The following LOC128462377 variants were observed in gnomAD, a reference collection of about 807,000 sequenced individuals.
At chr16:89,323,381 G>A in the LOC128462377 span, 1 of 1,279,156 alleles carries the variant, frequency 7.8e-7, no homozygotes, top group African/African-American at 1.5e-5. Flanking sequence ...CCATCTCAGT[G>A]GGCAAGGGGA....
At chr16:89,352,571 T>G in the LOC128462377 span, among the ~76,000 whole-genome samples, 1 of 152,156 alleles carries the variant, frequency 6.6e-6, no homozygotes, top group South Asian at 2.1e-4. Context: ...TCAGGGCCAC[T>G]TCCTCTCGCC....
chr16:89,326,886 T>C, the LOC128462377 span, among the ~76,000 whole-genome samples: 8 of 152,180 alleles, frequency 5.3e-5, no homozygotes, highest in South Asian at 4.1e-4. Context: ...TCCGGGCACA[T>C]CTGCACGTGG....
chr16:89,394,629 CAA>C, the LOC128462377 span, among the ~76,000 whole-genome samples: 28 of 140,244 alleles, frequency 2.0e-4, no homozygotes, highest in Non-Finnish European at 2.3e-4. Context: ...ACTCTGTCTC[CAA>C]AAAAAAAAAA....
At chr16:89,393,789 G>A in the LOC128462377 span, among the ~76,000 whole-genome samples, 5 of 152,246 alleles carry the variant, frequency 3.3e-5, no homozygotes, top group African/African-American at 9.6e-5. Flanking sequence ...AGCTCTGCAT[G>A]GCATCTCGCA....
chr16:89,358,407 G>A, the LOC128462377 span, among the ~76,000 whole-genome samples: 2 of 152,214 alleles, frequency 1.3e-5, no homozygotes, highest in Non-Finnish European at 2.9e-5. Context: ...AAAGAGCCAC[G>A]TGGATAACTG....
At chr16:89,360,344 G>A in the LOC128462377 span, among the ~76,000 whole-genome samples, 1 of 152,128 alleles carries the variant, frequency 6.6e-6, no homozygotes, top group Non-Finnish European at 1.5e-5. Flanking sequence ...CAATCCTCTC[G>A]AATTGGTCTC....
the LOC128462377 span, among the ~76,000 whole-genome samples, chr16:89,396,772 C>T: frequency 1.8e-4 from 28 of 152,176 alleles, no homozygotes; most frequent in East Asian, 5.8e-4. Flanking sequence ...CTGCAACCTC[C>T]GCCTCCCAGG....
chr16:89,320,587 C>A, the LOC128462377 span, among the ~76,000 whole-genome samples: 1 of 152,180 alleles, frequency 6.6e-6, no homozygotes, highest in African/African-American at 2.4e-5. Flanking sequence ...GTCCCAGCTT[C>A]GTGGACTGTC....
chr16:89,340,351 C>T, the LOC128462377 span, among the ~76,000 whole-genome samples: 4 of 152,366 alleles, frequency 2.6e-5, no homozygotes, highest in East Asian at 1.9e-4. Flanking sequence ...CATCTCGGCT[C>T]ACTGCAACCT....
At chr16:89,370,227 G>A in the LOC128462377 span, among the ~76,000 whole-genome samples, 8 of 152,246 alleles carry the variant, frequency 5.3e-5, no homozygotes, top group African/African-American at 1.9e-4. Context: ...TCAGGCGAGG[G>A]GAGCCCATGT....
chr16:89,356,312 G>A, the LOC128462377 span, among the ~76,000 whole-genome samples: 2 of 151,900 alleles, frequency 1.3e-5, no homozygotes, highest in African/African-American at 4.8e-5. Flanking sequence ...CCAGAGACAC[G>A]CACAGTTCTC....
the LOC128462377 span, among the ~76,000 whole-genome samples, chr16:89,405,858 C>T: frequency 6.6e-6 from 1 of 152,138 alleles, no homozygotes. Flanking sequence ...CAAGAATAAT[C>T]CCAGCACTTT....
At chr16:89,372,915 T>C in the LOC128462377 span, 1 of 152,260 alleles carries the variant, frequency 6.6e-6, no homozygotes, top group African/African-American at 2.4e-5. Context: ...GGTGACCCAG[T>C]CCACCTCAGA....
At chr16:89,341,680 C>T in the LOC128462377 span, among the ~76,000 whole-genome samples, 1 of 152,250 alleles carries the variant, frequency 6.6e-6, no homozygotes, top group Non-Finnish European at 1.5e-5. Context: ...TGGCTTTAAT[C>T]CCCTCACACA....
At chr16:89,357,682 C>T in the LOC128462377 span, among the ~76,000 whole-genome samples, 4 of 152,182 alleles carry the variant, frequency 2.6e-5, no homozygotes, top group Non-Finnish European at 4.4e-5. Context: ...TCAGCCCTAA[C>T]GAGGAATGCC....
At chr16:89,318,842 G>A in the LOC128462377 span, among the ~76,000 whole-genome samples, 10 of 152,218 alleles carry the variant, frequency 6.6e-5, no homozygotes, top group East Asian at 5.8e-4. Context: ...ACCTCCACCC[G>A]CGGTGCAGGT....
the LOC128462377 span, among the ~76,000 whole-genome samples, chr16:89,344,734 C>T: frequency 5.4e-5 from 8 of 147,500 alleles, no homozygotes; most frequent in African/African-American, 2.1e-4. Context: ...CACGAGGGCA[C>T]GGGAGCACAG....
At chr16:89,403,764 A>G in the LOC128462377 span, 6 of 152,134 alleles carry the variant, frequency 3.9e-5, no homozygotes, top group Admixed American at 6.6e-5. Context: ...CCCACCTCTA[A>G]AAAAGTAAAA....
At chr16:89,398,326 C>A in the LOC128462377 span, among the ~76,000 whole-genome samples, 486 of 124,840 alleles carry the variant, frequency 3.9e-3, 6 homozygotes, top group African/African-American at 0.016. Flanking sequence ...TGTGAAACAG[C>A]TGAAGACTAC....
Sources: allele counts gnomAD v4.1 joint callset (sites outside exome capture counted in the v4.1 genomes callset), GRCh38; gene constraint gnomAD v4.1.1; transcripts MANE v1.5.